Variants in RCAN2 observed in about 807,000 individuals in gnomAD.
The protein encoded by RCAN2 is calcipressin-2.
Under a neutral mutation model 23.6 loss-of-function variants are expected in RCAN2, and 9 were observed. The ratio of observed to expected loss-of-function variants is 0.38; its 90% CI spans 0.23 to 0.67. The LOEUF (loss-of-function observed/expected upper bound fraction) is 0.67, where lower values mean the gene tolerates loss of function less well. Among genes scored for constraint, RCAN2 ranks in the 30% least tolerant of loss-of-function variants. The pLI, the probability that RCAN2 is intolerant of heterozygous loss-of-function variation, is 0.51. For synonymous variants in RCAN2, 109 were observed against 115.7 expected, an observed-to-expected ratio of 0.94 and a Z score of 0.37; for missense variants, 273 against 302.3, an observed-to-expected ratio of 0.90 and a Z score of 0.72.
chr6:46,483,248 G>A (rs558312256), intron 1 of RCAN2, among the ~76,000 whole-genome samples: 5 of 152,088 alleles, frequency 3.3e-5, no homozygotes, highest in African/African-American at 7.2e-5. Flanking sequence ...TTGTTGGCTC[G>A]ATGAAGGTAA....
At chr6:46,451,269 G>A (rs1227897324) in intron 2 of RCAN2, among the ~76,000 whole-genome samples, 1 of 152,080 alleles carries the variant, frequency 6.6e-6, no homozygotes, top group Non-Finnish European at 1.5e-5. Flanking sequence ...TTCTGAATTG[G>A]GGGATTTGGA....
intron 2 of RCAN2, among the ~76,000 whole-genome samples, chr6:46,333,184 T>A (rs997800053): frequency 6.6e-6 from 1 of 152,174 alleles, no homozygotes; most frequent in Non-Finnish European, 1.5e-5. Flanking sequence ...TTTGTTTAAG[T>A]TCATTGTAGA....
rs557607609 is a variant in RCAN2, at chr6:46,457,052, G to C, written c.-2-74C>G. 6.0e-6 allele frequency: 6 copies of C among 998,682 alleles called. No homozygotes were observed. In the South Asian group the frequency reaches 7.6e-5, roughly 13 times the overall value. The allele number at this position is 998,682 out of a possible 1,614,324, so 61.9% of individuals were successfully genotyped here. On this transcript the variant is annotated intron_variant, in intron 1 of 4. Coordinates refer to ENST00000371374, the MANE Select transcript of RCAN2 (RefSeq NM_001251974.2). ...AACTCAGTTTTCGGGTCACAGTTTT[G>C]TATTGTCAGGGGCAGAACAGTGGAG... is the stretch of plus-strand genomic sequence containing the variant.
At chr6:46,392,198 C>A (rs988907143) in intron 2 of RCAN2, among the ~76,000 whole-genome samples, 2 of 152,084 alleles carry the variant, frequency 1.3e-5, no homozygotes, top group Admixed American at 1.3e-4. Flanking sequence ...CCAAGCCCAT[C>A]TTTAGTTTTA....
At chr6:46,324,057 C>T (rs768361945) in intron 2 of RCAN2, among the ~76,000 whole-genome samples, 1 of 152,186 alleles carries the variant, frequency 6.6e-6, no homozygotes, top group Admixed American at 6.5e-5. Flanking sequence ...CCTGGTTACC[C>T]ACACTGGACT....
intron 2 of RCAN2, among the ~76,000 whole-genome samples, chr6:46,433,926 A>C (rs1408040974): frequency 6.6e-6 from 1 of 152,242 alleles, no homozygotes; most frequent in Admixed American, 6.5e-5. Flanking sequence ...TAAATGCTGC[A>C]CACAATTGGT....
At chr6:46,317,640 AT>A (rs879490790) in intron 2 of RCAN2, among the ~76,000 whole-genome samples, 66 of 151,002 alleles carry the variant, frequency 4.4e-4, no homozygotes, top group Non-Finnish European at 8.6e-4. Flanking sequence ...TTTTTTTTGT[AT>A]TTTTTAGTAG....
chr6:46,297,656 T>G (rs7759250), intron 2 of RCAN2, among the ~76,000 whole-genome samples: 2 of 152,114 alleles, frequency 1.3e-5, no homozygotes, highest in Non-Finnish European at 2.9e-5. Context: ...TTCTAAAACA[T>G]TTATTACTAC....
chr6:46,475,218 G>A (rs889855016), intron 1 of RCAN2, among the ~76,000 whole-genome samples: 1 of 152,178 alleles, frequency 6.6e-6, no homozygotes, highest in Non-Finnish European at 1.5e-5. Context: ...CCCTCTAATA[G>A]CTGCATGTTG....
intron 2 of RCAN2, among the ~76,000 whole-genome samples, chr6:46,390,359 T>C (rs1245172794): frequency 6.6e-6 from 1 of 152,222 alleles, no homozygotes; most frequent in Non-Finnish European, 1.5e-5. Flanking sequence ...AAATATACCA[T>C]GTGAGCAGGG....
chr6:46,332,920 C>T (rs1764027549), intron 2 of RCAN2, among the ~76,000 whole-genome samples: 1 of 152,184 alleles, frequency 6.6e-6, no homozygotes, highest in Non-Finnish European at 1.5e-5. Context: ...TTTACAGTTC[C>T]AACAACAGTG....
intron 2 of RCAN2, among the ~76,000 whole-genome samples, chr6:46,439,514 T>C (rs1767467623): frequency 6.6e-6 from 1 of 152,142 alleles, no homozygotes; most frequent in Non-Finnish European, 1.5e-5. Context: ...TCAAATCCAC[T>C]CTATAAATAC....
chr6:46,226,421 G>A (rs1582002411), intron 4 of RCAN2, among the ~76,000 whole-genome samples: 1 of 152,316 alleles, frequency 6.6e-6, no homozygotes, highest in African/African-American at 2.4e-5. Context: ...CCATGAGCAT[G>A]GAATGTTCTT....
chr6:46,416,746 T>C (rs1766726298), intron 2 of RCAN2, among the ~76,000 whole-genome samples: 1 of 150,850 alleles, frequency 6.6e-6, no homozygotes, highest in African/African-American at 2.5e-5. Flanking sequence ...GGTCTCGAAC[T>C]CCTGGGCTCA....
chr6:46,441,772 T>C lies in RCAN2; in HGVS notation c.225+14980A>G, dbSNP rs1767551631. Among the ~76,000 whole-genome samples the C allele has an allele frequency of 2.0e-5, 3 of 152,104 alleles. 1 individual carries two copies. The South Asian group carries it at 6.2e-4, about 31-fold the overall frequency. On this transcript the variant is annotated intron_variant, in intron 2 of 4. Coordinates refer to ENST00000371374, the MANE Select transcript of RCAN2 (RefSeq NM_001251974.2). Reference sequence around the variant, plus strand: ...AAACTAAAAAAATAAACTACACATGTTCTGTTTCTATATATACCCATTTTG... The same window carrying C: ...AAACTAAAAAAATAAACTACACATGCTCTGTTTCTATATATACCCATTTTG...
intron 2 of RCAN2, among the ~76,000 whole-genome samples, chr6:46,291,522 C>T (rs1762562522): frequency 6.6e-6 from 1 of 151,944 alleles, no homozygotes; most frequent in Non-Finnish European, 1.5e-5. Flanking sequence ...CACTGCAGGG[C>T]TTTGATTGGA....
At chr6:46,270,593 C>A (rs943664335) in intron 2 of RCAN2, among the ~76,000 whole-genome samples, 4 of 152,182 alleles carry the variant, frequency 2.6e-5, no homozygotes, top group African/African-American at 7.2e-5. Context: ...GCAAGCCCCT[C>A]CCTTTGAATA....
intron 2 of RCAN2, among the ~76,000 whole-genome samples, chr6:46,285,488 G>C (rs1009749201): frequency 2.6e-5 from 4 of 152,180 alleles, no homozygotes; most frequent in African/African-American, 9.7e-5. Flanking sequence ...TTCTAATCGA[G>C]GGGTTCTGGG....
At chr6:46,326,000 G>T in intron 2 of RCAN2, 2 of 502,054 alleles carry the variant, frequency 4.0e-6, no homozygotes, top group Non-Finnish European at 5.1e-6. Context: ...CTGCCTTCGA[G>T]ATGAGCAGGA....
Sources: allele counts gnomAD v4.1 joint callset (sites outside exome capture counted in the v4.1 genomes callset), GRCh38; gene constraint gnomAD v4.1.1; transcripts MANE v1.5; gene names NCBI Gene and HGNC (gene_info 2026-07-23, HGNC 2026-07-21).